Variants in GTPBP4 observed in about 807,000 individuals in gnomAD.
The protein encoded by GTPBP4 is GTP-binding protein 4.
Under a neutral mutation model 81.7 loss-of-function variants are expected in GTPBP4, and 15 were observed. The observed-to-expected ratio is 0.18, with a 90% CI of 0.12 to 0.28. GTPBP4 has a LOEUF of 0.28. Ranked by LOEUF, GTPBP4 falls within the 10% of genes least tolerant of loss-of-function variation. The pLI is 1.00. For missense variants in GTPBP4, 847 were observed against 793.8 expected, an observed-to-expected ratio of 1.07 and a Z score of -0.81; for synonymous variants, 272 against 274.6, an observed-to-expected ratio of 0.99 and a Z score of 0.09.
intron 1 of GTPBP4, among the ~76,000 whole-genome samples, chr10:991,571 G>C (rs1215796903): frequency 1.3e-5 from 2 of 149,946 alleles, no homozygotes; most frequent in Non-Finnish European, 3.0e-5. Context: ...TGGGAGGATT[G>C]TTTCTTTTTC....
At position 1,000,943 on chromosome 10, in the gene GTPBP4, C is replaced by A. The variant is rs41294954; in HGVS notation, c.847-5C>A. On this transcript the variant is annotated splice_region_variant and splice_polypyrimidine_tract_variant and intron_variant, in intron 7 of 16. Coordinates refer to ENST00000360803, the MANE Select transcript of GTPBP4 (RefSeq NM_012341.3). ...ATGATTTCATTATTTTTCTTCCTTG[C>A]CTAGCCTCTCATAGTTGTAGCCAAC... 6.2e-7 allele frequency: 1 copy of A among 1,611,698 alleles called. No individual in the cohort carries two copies. The highest frequency in any genetic ancestry group is 8.5e-7 in the Non-Finnish European group (1 of 1,177,826).
Position 1,019,553 on chromosome 10 carries a change from G to C in GTPBP4, c.*2326G>C, listed in dbSNP as rs564510161. ...GTATTTTGTGAAGCTCCACAAACGG[G>C]GTCACGTCATCCAGGTGAGGCCACC... is the stretch of plus-strand genomic sequence containing the variant. On this transcript the variant is annotated 3_prime_UTR_variant, in exon 17 of 17. Coordinates refer to ENST00000360803, the MANE Select transcript of GTPBP4 (RefSeq NM_012341.3). 1.2e-6 allele frequency: 2 copies of C among 1,613,644 alleles called. No homozygotes were observed. The highest frequency in any genetic ancestry group is 1.7e-5 in the Admixed American group (1 of 59,960).
intron 8 of GTPBP4, among the ~76,000 whole-genome samples, chr10:1,003,879 T>C (rs1831680929): frequency 6.6e-6 from 1 of 152,134 alleles, no homozygotes; most frequent in Admixed American, 6.5e-5. Context: ...CAGCTACAGG[T>C]ACTCAGGGTA....
At chr10:1,006,409 C>T (rs534655006) in intron 9 of GTPBP4, among the ~76,000 whole-genome samples, 1 of 152,258 alleles carries the variant, frequency 6.6e-6, no homozygotes, top group African/African-American at 2.4e-5. Context: ...GAGGCTGAGG[C>T]GGGTAGATCA....
At chr10:1,015,177 AG>A (rs1831952798) in intron 15 of GTPBP4, among the ~76,000 whole-genome samples, 8 of 152,260 alleles carry the variant, frequency 5.3e-5, no homozygotes, top group African/African-American at 1.7e-4. Flanking sequence ...GCTTCCGTTA[AG>A]TGAATAAGAA....
chr10:1,017,124 A>G lies in GTPBP4; in HGVS notation c.1802A>G (p.Asn601Ser). The G allele has an allele frequency of 6.2e-7, 1 of 1,613,944 alleles. No individual in the cohort carries two copies. Among genetic ancestry groups the G allele is most frequent in the Non-Finnish European group, 8.5e-7 (1 of 1,179,786 alleles). The change falls in exon 17 of 17, where the codon AAT (asparagine) becomes AGT (serine). Residue 601 changes from asparagine to serine, a missense_variant. Coordinates refer to ENST00000360803, the MANE Select transcript of GTPBP4 (RefSeq NM_012341.3). ...ATGAAGAATGCTCAGAAGAAGATGAATCGGTTGGGGAAGAAAGGGGAGGCG... is the reference window on the plus strand; with the variant it reads ...ATGAAGAATGCTCAGAAGAAGATGAGTCGGTTGGGGAAGAAAGGGGAGGCG... ...TMMKNAQKKM[N>S]RLGKKGEADR...
At chr10:988,642 C>T (rs1320634902) in intron 1 of GTPBP4, 115 bp downstream of exon 1, 17 of 765,924 alleles carry the variant, frequency 2.2e-5, no homozygotes, top group Non-Finnish European at 3.6e-5. Flanking sequence ...GCCCATCCCC[C>T]GCTCCTGGGC....
Position 1,000,835 on chromosome 10 carries a change from C to G in GTPBP4, c.813C>G (p.Leu271=), listed in dbSNP as rs376563095. ...ATGGGCTGAGGGAGCAGCTAGAACTCTTCCAGAACATCAGACCTCTCTTCA... is the reference window on the plus strand; with the variant it reads ...ATGGGCTGAGGGAGCAGCTAGAACTGTTCCAGAACATCAGACCTCTCTTCA... ...CGHGLREQLE[L]FQNIRPLFIN... The change falls in exon 7 of 17, where the codon CTC becomes CTG. Residue 271 remains leucine, a synonymous_variant. Coordinates refer to ENST00000360803, the MANE Select transcript of GTPBP4 (RefSeq NM_012341.3). 5.8e-5 allele frequency: 93 copies of G among 1,610,538 alleles called. No individual in the cohort carries two copies. The highest frequency in any genetic ancestry group is 7.6e-5 in the Non-Finnish European group (89 of 1,178,044).
chr10:996,155 C>A lies in GTPBP4; in HGVS notation c.373C>A (p.Arg125Ser). 6.2e-7 allele frequency: 1 copy of A among 1,611,994 alleles called. No individual in the cohort carries two copies. Among genetic ancestry groups the A allele is most frequent in the Non-Finnish European group, 8.5e-7 (1 of 1,178,226 alleles). The part of the protein sequence containing the change: ...RLMKYGDSLY[R>S]CKQLKRAALG... Reference sequence around the variant, plus strand: ...GATGAAGTATGGCGACTCTCTCTACCGCTGCAAACAGCTGAAGCGTGCGGC... The same window carrying A: ...GATGAAGTATGGCGACTCTCTCTACAGCTGCAAACAGCTGAAGCGTGCGGC... The change falls in exon 4 of 17, where the codon CGC becomes AGC. Residue 125 changes from arginine (R) to serine (S), a missense_variant. Arg to Ser is a moderately radical substitution (Grantham distance 110). Coordinates refer to ENST00000360803, the MANE Select transcript of GTPBP4 (RefSeq NM_012341.3).
chr10:1,001,199 C>T (rs147543144), intron 8 of GTPBP4, among the ~76,000 whole-genome samples, 186 bp downstream of exon 8: 7 of 152,280 alleles, frequency 4.6e-5, no homozygotes, highest in South Asian at 4.1e-4. Context: ...CAAACTAAAA[C>T]GAAAACATAA....
At chr10:994,765 G>C (rs1831509239) in intron 2 of GTPBP4, among the ~76,000 whole-genome samples, 1 of 152,180 alleles carries the variant, frequency 6.6e-6, no homozygotes, top group Non-Finnish European at 1.5e-5. Context: ...TTTAAAGCCA[G>C]GACTAGTTAT....
At chr10:999,497 A>G (rs1466092166) in intron 6 of GTPBP4, among the ~76,000 whole-genome samples, 2 of 152,064 alleles carry the variant, frequency 1.3e-5, no homozygotes, top group Non-Finnish European at 2.9e-5. Context: ...CATAAAGAAA[A>G]CTCATCTGAG....
chr10:1,005,962 A>G (rs762217391), intron 9 of GTPBP4, 55 bp downstream of exon 9: 78 of 886,364 alleles, frequency 8.8e-5, no homozygotes, highest in Non-Finnish European at 1.3e-4. Context: ...TGTTTGATTC[A>G]AGTCAGTTGT....
In GTPBP4 at chr10:1,017,733, C is replaced by T. The variant is rs931526155; in HGVS notation, c.*506C>T. ...GCTCATGTTTTGGTTTAGTTATAGT[C>T]GCTATGGATTTGGCCAAATAAAAAG... On this transcript the variant is annotated 3_prime_UTR_variant, in exon 17 of 17. Coordinates refer to ENST00000360803, the MANE Select transcript of GTPBP4 (RefSeq NM_012341.3). 3 of 152,306 alleles carry T rather than the reference C, an allele frequency of 2.0e-5. No homozygotes were observed. Among genetic ancestry groups the T allele is most frequent in the Non-Finnish European group, 4.4e-5 (3 of 68,134 alleles). The allele number at this position is 152,306 out of a possible 1,614,324, so 9.4% of individuals were successfully genotyped here. A position where few individuals can be genotyped will look rare whatever the true frequency, so the allele number is the denominator to read the frequency against.
intron 2 of GTPBP4, among the ~76,000 whole-genome samples, chr10:992,962 T>C (rs1831471930): frequency 6.6e-6 from 1 of 152,188 alleles, no homozygotes; most frequent in Non-Finnish European, 1.5e-5. Context: ...CAAGTGTTAA[T>C]GATAGCTGTG....
At chr10:1,011,844 G>T (rs557327495) in intron 13 of GTPBP4, among the ~76,000 whole-genome samples, 1 of 152,168 alleles carries the variant, frequency 6.6e-6, no homozygotes, top group Admixed American at 6.5e-5. Context: ...TCTGCAGTGC[G>T]CGCTCTTGGG....
At chr10:997,182 A>G in intron 4 of GTPBP4, 26 bp from the exon 5 acceptor site, 9 of 1,308,606 alleles carry the variant, frequency 6.9e-6, no homozygotes, top group Non-Finnish European at 1.0e-5. Flanking sequence ...TGAATTTCTT[A>G]ATTTTTCAAT....
intron 8 of GTPBP4, among the ~76,000 whole-genome samples, chr10:1,003,281 T>C (rs1831671655): frequency 6.6e-6 from 1 of 152,234 alleles, no homozygotes. Flanking sequence ...TAAGTTCTTG[T>C]TCATATCATG....
In GTPBP4 at chr10:1,015,837, G is replaced by T. The variant is rs1163706560; in HGVS notation, c.1693G>T (p.Ala565Ser). 2 of 1,613,930 alleles carry T rather than the reference G, an allele frequency of 1.2e-6. No individual in the cohort carries two copies. The highest frequency in any genetic ancestry group is 2.7e-5 in the African/African-American group (2 of 74,950). The change falls in exon 16 of 17, where the codon GCC (alanine) becomes TCC (serine). Residue 565 changes from alanine to serine, a missense_variant. Physicochemically the swap from Ala to Ser is moderately conservative, Grantham distance 99 (BLOSUM62 1). Transcript: ENST00000360803. ...AGACTCTGCTCCCCCGTCCTCTGTG[G>T]CCCGGAGTGGGAGTTGCTCTCGAAC... Reference protein sequence around the residue: ...REDSAPPSSVARSGSCSRTPR... With the variant: ...REDSAPPSSVSRSGSCSRTPR...
Sources: allele counts gnomAD v4.1 joint callset (sites outside exome capture counted in the v4.1 genomes callset), GRCh38; gene constraint gnomAD v4.1.1; transcripts MANE v1.5; gene names NCBI Gene and HGNC (gene_info 2026-07-23, HGNC 2026-07-21).